Variants in PUSL1 observed in about 807,000 individuals in gnomAD.
The protein encoded by PUSL1 is pseudouridine synthase like 1.
PUSL1 carries 51 observed loss-of-function variants against 30.7 expected under a neutral mutation model. The ratio of observed to expected loss-of-function variants is 1.66; its 90% CI spans 1.33 to 2.10. PUSL1 has a LOEUF of 2.10. Among genes scored for constraint, PUSL1 ranks in the 30% most tolerant of loss-of-function variants. The pLI is 0.00. For synonymous variants in PUSL1, 290 were observed against 192.1 expected, an observed-to-expected ratio of 1.51 and a Z score of -4.21; for missense variants, 609 against 427.6, an observed-to-expected ratio of 1.42 and a Z score of -3.74.
rs1032407766 is a variant in PUSL1 at position 1,309,388 on chromosome 1, G to A, written c.324-66G>A. On this transcript the variant is annotated intron_variant, in intron 3 of 7. Transcript: ENST00000379031. Reference sequence around the variant, plus strand: ...GTCTGGTCGGAGCTCGAGGGGGAAGGAGAGCCAATGTGACACCGCGGGCGG... The same window carrying A: ...GTCTGGTCGGAGCTCGAGGGGGAAGAAGAGCCAATGTGACACCGCGGGCGG... 1.1e-5 allele frequency: 16 copies of A among 1,510,658 alleles called. No homozygotes were observed. The African/African-American group carries it at 2.1e-4, about 19-fold the overall frequency. The allele number at this position is 1,510,658 out of a possible 1,614,324, so 93.6% of individuals were successfully genotyped here.
Position 1,309,834 on chromosome 1 carries a change from C to G in PUSL1, c.627C>G (p.Val209=). 1 of 1,538,846 alleles carries G rather than the reference C, an allele frequency of 6.5e-7. No individual in the cohort carries two copies. The highest frequency in any genetic ancestry group is 2.5e-5 in the East Asian group (1 of 40,770). Residue 209 remains valine (V), a synonymous_variant, in exon 5 of 8, where the codon GTC becomes GTG. Transcript: ENST00000379031. ...CCCCAGGCCAAGCCAGCCCCTTGGT[C>G]ACCCCCGAGGAGAGCAGGTGAGGAA... The part of the protein sequence containing the change: ...SVSPGQASPL[V]TPEESRKLRF...
rs779445154 is a variant in PUSL1 at position 1,309,413 on chromosome 1, G to A, written c.324-41G>A. 3 of 1,546,488 alleles carry A rather than the reference G, an allele frequency of 1.9e-6. No individual in the cohort carries two copies. The African/African-American group carries it at 4.1e-5, about 21-fold the overall frequency. Reference sequence around the variant, plus strand: ...GAGAGCCAATGTGACACCGCGGGCGGGCGGGGTCGTTCCTCCGGTGAGCTT... The same window carrying A: ...GAGAGCCAATGTGACACCGCGGGCGAGCGGGGTCGTTCCTCCGGTGAGCTT... On this transcript the variant is annotated intron_variant, in intron 3 of 7. Transcript: ENST00000379031.
intron 3 of PUSL1, 62 bp downstream of exon 3, chr1:1,309,335 G>A (rs1641958045): frequency 1.4e-6 from 2 of 1,448,488 alleles, no homozygotes; most frequent in Non-Finnish European, 9.2e-7. Flanking sequence ...GTCGCGGGCG[G>A]AGGCTGGAGA....
At chr1:1,309,050 T>C in intron 2 of PUSL1, 36 bp from the exon 3 acceptor site, 1 of 1,401,690 alleles carries the variant, frequency 7.1e-7, no homozygotes, top group Non-Finnish European at 9.2e-7. Flanking sequence ...GGGTCCGGCC[T>C]CGCTCACCCG....
rs78028248 is a variant in PUSL1, at chr1:1,311,107, G to A, written c.862+36G>A. ...CAGGCACGAGAAGCTCCTGTCATGT[G>A]CCCAGTGACTACTGTGGCCGAGGCA... is the stretch of plus-strand genomic sequence containing the variant. On this transcript the variant is annotated intron_variant, in intron 7 of 7. Coordinates refer to ENST00000379031, the MANE Select transcript of PUSL1 (RefSeq NM_153339.3). 3,021 of 1,571,056 alleles carry A rather than the reference G, an allele frequency of 1.9e-3. 33 individuals carry two copies. The African/African-American group carries it at 0.034, about 18-fold the overall frequency.
rs371158985 is a variant in PUSL1 at position 1,309,603 on chromosome 1, A to G, written c.473A>G (p.Asp158Gly). 4 of 1,609,080 alleles carry G rather than the reference A, an allele frequency of 2.5e-6. No homozygotes were observed. The highest frequency in any genetic ancestry group is 2.2e-5 in the East Asian group (1 of 44,724). Reference protein sequence around the residue: ...ERNLCWTLPADCLDMVAMQEA... With the variant: ...ERNLCWTLPAGCLDMVAMQEA... The stretch of plus-strand genomic sequence containing the variant: ...AACCTATGCTGGACTCTCCCGGCAG[A>G]GTGAGTGTGGCCCTGACAGCGGGGA... Residue 158 changes from aspartate to glycine, a missense_variant and splice_region_variant, in exon 4 of 8, where the codon GAC becomes GGC. Transcript: ENST00000379031.
intron 7 of PUSL1, 92 bp from the exon 8 acceptor site, chr1:1,311,238 C>T: frequency 7.1e-7 from 1 of 1,408,874 alleles, no homozygotes; most frequent in Non-Finnish European, 9.5e-7. Context: ...CCTGGGCTGG[C>T]CCACTCCCTG....
At position 1,309,494 on chromosome 1, in the gene PUSL1, C is replaced by T. The variant is rs1294380823; in HGVS notation, c.364C>T (p.Arg122Cys). ...AFRVPSDFHA[R>C]HAATSRTYLY... The stretch of plus-strand genomic sequence containing the variant: ...CCGAGTGCCCAGCGACTTCCACGCT[C>T]GTCACGCAGCCACGTCCCGGACCTA... The change falls in exon 4 of 8, where the codon CGT becomes TGT. Residue 122 changes from arginine to cysteine, a missense_variant. Physicochemically the swap from Arg to Cys is radical, Grantham distance 180 (BLOSUM62 -3). Transcript: ENST00000379031. 2.5e-6 allele frequency: 4 copies of T among 1,608,746 alleles called. No individual in the cohort carries two copies. Among genetic ancestry groups the T allele is most frequent in the Non-Finnish European group, 8.5e-7 (1 of 1,178,240 alleles).
In PUSL1 at chr1:1,310,975, A is replaced by C; in HGVS notation, c.766A>C (p.Thr256Pro). ...LGALAPAQVK[T>P]ILESQDPLGK... ...GGCTTTGGCACCTGCCCAGGTGAAG[A>C]CGATTCTGGAGAGCCAAGATCCCCT... Residue 256 changes from threonine (T) to proline (P), a missense_variant, in exon 7 of 8, where the codon ACG (threonine) becomes CCG (proline). By Grantham distance (38) the Thr-to-Pro change is conservative (BLOSUM62 -1). Transcript: ENST00000379031. The C allele has an allele frequency of 6.2e-7, 1 of 1,609,960 alleles. No homozygotes were observed. Among genetic ancestry groups the C allele is most frequent in the South Asian group, 1.1e-5 (1 of 91,078 alleles).
Position 1,311,635 on chromosome 1 carries a change from G to A in PUSL1, c.*256G>A, listed in dbSNP as rs767545531. Reference sequence around the variant, plus strand: ...AGCTTTTACTGGAAACTGCTGTCTAGGACCACCTGCCCTAACCAGGAATAA... The same window carrying A: ...AGCTTTTACTGGAAACTGCTGTCTAAGACCACCTGCCCTAACCAGGAATAA... On this transcript the variant is annotated 3_prime_UTR_variant, in exon 8 of 8. Coordinates refer to ENST00000379031, the MANE Select transcript of PUSL1 (RefSeq NM_153339.3). 52 of 712,180 alleles carry A rather than the reference G, an allele frequency of 7.3e-5. No homozygotes were observed. Among genetic ancestry groups the A allele is most frequent in the Admixed American group, 4.2e-4 (21 of 49,698 alleles). The allele number at this position is 712,180 out of a possible 1,614,324, so 44.1% of individuals were successfully genotyped here.
In PUSL1 at chr1:1,309,013, G is replaced by A. The variant is rs897173960; in HGVS notation, c.135+41G>A. On this transcript the variant is annotated intron_variant, in intron 2 of 7. Coordinates refer to ENST00000379031, the MANE Select transcript of PUSL1 (RefSeq NM_153339.3). ...CACGGGACGCCCGGTGAGGGGTAAG[G>A]GGGAGGCTCCCGCCCGCGCGTCCCC... 4 of 1,392,814 alleles carry A rather than the reference G, an allele frequency of 2.9e-6. No individual in the cohort carries two copies. In the African/African-American group the frequency reaches 4.6e-5, roughly 16 times the overall value. The allele number at this position is 1,392,814 out of a possible 1,614,324, so 86.3% of individuals were successfully genotyped here. A position where few individuals can be genotyped will look rare whatever the true frequency, so the allele number is the denominator to read the frequency against.
rs570651165 is a variant in PUSL1 at position 1,309,881 on chromosome 1, G to A, written c.644+30G>A. The A allele has an allele frequency of 3.3e-5, 48 of 1,451,484 alleles. No homozygotes were observed. In the African/African-American group the frequency reaches 6.3e-4, roughly 19 times the overall value. 89.9% of individuals were successfully genotyped at this position (1,451,484 alleles called of 1,614,324 possible). On this transcript the variant is annotated intron_variant, in intron 5 of 7. Coordinates refer to ENST00000379031, the MANE Select transcript of PUSL1 (RefSeq NM_153339.3). ...GGAAGGGCCCCTGGGCTGTGGCCCTGCCCTCAAGTCACGTGCTGATTTTAG... is the reference window on the plus strand; with the variant it reads ...GGAAGGGCCCCTGGGCTGTGGCCCTACCCTCAAGTCACGTGCTGATTTTAG...
chr1:1,308,728 TC>T lies in PUSL1; in HGVS notation c.77+11del. On this transcript the variant is annotated intron_variant, in intron 1 of 7. Transcript: ENST00000379031. ...CGTGGGCACCGACTTTAAGTAGGTT[TC>T]CCAGGCGCAGCGGCGGGCGCCACGT... 6.5e-7 allele frequency: 1 copy of T among 1,544,544 alleles called. No individual in the cohort carries two copies. The highest frequency in any genetic ancestry group is 8.7e-7 in the Non-Finnish European group (1 of 1,147,500).
Position 1,311,636 on chromosome 1 carries a change from G to A in PUSL1, c.*257G>A, listed in dbSNP as rs762194174. The stretch of plus-strand genomic sequence containing the variant: ...GCTTTTACTGGAAACTGCTGTCTAG[G>A]ACCACCTGCCCTAACCAGGAATAAA... On this transcript the variant is annotated 3_prime_UTR_variant, in exon 8 of 8. Transcript: ENST00000379031. 18 of 712,424 alleles carry A rather than the reference G, an allele frequency of 2.5e-5. No individual in the cohort carries two copies. The highest frequency in any genetic ancestry group is 1.6e-4 in the East Asian group (6 of 37,012). The allele number at this position is 712,424 out of a possible 1,614,324, so 44.1% of individuals were successfully genotyped here. A position where few individuals can be genotyped will look rare whatever the true frequency, so the allele number is the denominator to read the frequency against.
At chr1:1,310,558 CCCGT>C in intron 5 of PUSL1, 72 bp from the exon 6 acceptor site, 1 of 1,188,728 alleles carries the variant, frequency 8.4e-7, no homozygotes. Context: ...CTGTCACTCT[CCCGT>C]CCAAGGCCAC....
In PUSL1 at chr1:1,309,849, C is replaced by T. The variant is rs531217791; in HGVS notation, c.642C>T (p.Ser214=). 2 of 1,514,812 alleles carry T rather than the reference C, an allele frequency of 1.3e-6. No homozygotes were observed. Among genetic ancestry groups the T allele is most frequent in the East Asian group, 2.5e-5 (1 of 40,278 alleles). 93.8% of individuals were successfully genotyped at this position (1,514,812 alleles called of 1,614,324 possible). Residue 214 remains serine (S), a splice_region_variant and synonymous_variant, in exon 5 of 8, where the codon AGC becomes AGT. Coordinates refer to ENST00000379031, the MANE Select transcript of PUSL1 (RefSeq NM_153339.3). ...GCCCCTTGGTCACCCCCGAGGAGAGCAGGTGAGGAAGGGCCCCTGGGCTGT... is the reference window on the plus strand; with the variant it reads ...GCCCCTTGGTCACCCCCGAGGAGAGTAGGTGAGGAAGGGCCCCTGGGCTGT... ...QASPLVTPEE[S]RKLRFWNLEF... is the part of the protein sequence containing the mutation.
chr1:1,310,067 G>A (rs1642034434), intron 5 of PUSL1: 1 of 534,666 alleles, frequency 1.9e-6, no homozygotes, highest in Admixed American at 3.6e-5. Context: ...AAGGCTGCTT[G>A]TCTCTGAAAA....
chr1:1,310,980 T>C lies in PUSL1; in HGVS notation c.771T>C (p.Ile257=), dbSNP rs149289867. ...GALAPAQVKT[I]LESQDPLGKH... ...TGGCACCTGCCCAGGTGAAGACGAT[T>C]CTGGAGAGCCAAGATCCCCTGGGCA... is the stretch of plus-strand genomic sequence containing the variant. The change falls in exon 7 of 8, where the codon ATT becomes ATC. Residue 257 remains isoleucine (I), a synonymous_variant. Transcript: ENST00000379031. The C allele has an allele frequency of 8.3e-5, 134 of 1,612,852 alleles. No individual in the cohort carries two copies. The African/African-American group carries it at 1.5e-3, about 18-fold the overall frequency.
Position 1,310,633 on chromosome 1 carries a change from G to A in PUSL1, c.645-1G>A, listed in dbSNP as rs143765035. 1.5e-5 allele frequency: 24 copies of A among 1,563,998 alleles called. No individual in the cohort carries two copies. In the African/African-American group the frequency reaches 3.3e-4, roughly 21 times the overall value. On this transcript the variant is annotated splice_acceptor_variant, in intron 5 of 7. Coordinates refer to ENST00000379031, the MANE Select transcript of PUSL1 (RefSeq NM_153339.3). LOFTEE classifies it high-confidence loss of function. ...ACACCTACAGGTACGTATTTTTCCA[G>A]GAAGCTGCGGTTCTGGAACCTGGAG...
Sources: gnomAD v4.1 joint callset for allele counts on GRCh38, gnomAD v4.1.1 for gene constraint, MANE v1.5 for transcripts, NCBI Gene and HGNC (gene_info 2026-07-23, HGNC 2026-07-21) for gene names.